The following SERPINB6 variants were observed in gnomAD, a reference collection of about 807,000 sequenced individuals.
SERPINB6 encodes the protein serpin B6.
Under a neutral mutation model 26.1 loss-of-function variants are expected in SERPINB6, and 16 were observed. The observed-to-expected ratio is 0.61, with a 90% confidence interval of 0.42 to 0.93. The LOEUF is 0.93. SERPINB6 is among the 40% of genes least tolerant of loss of function. The pLI, the probability that SERPINB6 is intolerant of heterozygous loss-of-function variation, is 0.00. For synonymous variants in SERPINB6, 174 were observed against 176.6 expected (o/e 0.99, Z 0.11); for missense variants, 420 against 478.0 (o/e 0.88, Z 1.13).
At chr6:2,954,850 C>T in intron 3 of SERPINB6, 141 bp from the exon 4 acceptor site, 4 of 686,172 alleles carry the variant, frequency 5.8e-6, no homozygotes, top group Non-Finnish European at 1.0e-5. Flanking sequence ...AGGACTTAAC[C>T]TAAACTACAA....
In SERPINB6 at chr6:2,949,060, TCTC is replaced by T. The variant is rs1561669499; in HGVS notation, c.580_582del (p.Glu194del). The stretch of plus-strand genomic sequence containing the variant: ...TGCTTAAACATCATTTGCACAGGTT[TCTC>T]CTCATTCTACAAAGAAAACAGATAA... On this transcript the variant is annotated inframe_deletion, in exon 6 of 7. Coordinates refer to ENST00000380539, the MANE Select transcript of SERPINB6 (RefSeq NM_004568.6). 2 of 1,614,126 alleles carry T rather than the reference TCTC, an allele frequency of 1.2e-6. No homozygotes were observed. The highest frequency in any genetic ancestry group is 1.7e-6 in the Non-Finnish European group (2 of 1,180,020).
rs1769401498 is a variant in SERPINB6 at position 2,948,678 on chromosome 6, C to T, written c.751G>A (p.Glu251Lys). The change falls in exon 7 of 7, where the codon GAG becomes AAG. Residue 251 changes from glutamate to lysine, a missense_variant. By Grantham distance (56) the Glu-to-Lys change is moderately conservative. Coordinates refer to ENST00000380539, the MANE Select transcript of SERPINB6 (RefSeq NM_004568.6). This position sits in a 1 kb window ranked among gnomAD's most constrained non-coding sequence, Gnocchi z 5.0. ...LRTVEKELTY[E>K]KFVEWTRLDM... The stretch of plus-strand genomic sequence containing the variant: ...AGCCTCGTCCATTCTACGAACTTCT[C>T]GTAAGTGAGTTCTTTCTCCACCTAG... 5.6e-6 allele frequency: 9 copies of T among 1,614,060 alleles called. 1 individual carries two copies. Among genetic ancestry groups the T allele is most frequent in the Middle Eastern group, 3.3e-4 (2 of 6,084 alleles).
intron 1 of SERPINB6, among the ~76,000 whole-genome samples, chr6:2,964,562 T>C (rs1372590304): frequency 6.6e-6 from 1 of 152,228 alleles, no homozygotes; most frequent in Non-Finnish European, 1.5e-5. Flanking sequence ...TGTGTTTTTC[T>C]GGATTTTCAC....
Position 2,970,106 on chromosome 6 carries a change from T to C in SERPINB6, c.-11+1427A>G, listed in dbSNP as rs74793035. On this transcript the variant is annotated intron_variant, in intron 1 of 6. Coordinates refer to ENST00000380539, the MANE Select transcript of SERPINB6 (RefSeq NM_004568.6). ...TCTTTCTTTGGATGCCTTGGCTTAA[T>C]CCCAAGTGCAGTAAGCCTGGAAATG... The C allele has an allele frequency of 2.6e-3, 2,553 of 984,566 alleles. 46 individuals carry two copies. The African/African-American group carries it at 0.042, about 16-fold the overall frequency. The allele number at this position is 984,566 out of a possible 1,614,324, so 61.0% of individuals were successfully genotyped here. A position where few individuals can be genotyped will look rare whatever the true frequency, so the allele number is the denominator to read the frequency against.
At chr6:2,954,117 CAA>C (rs540686090) in intron 4 of SERPINB6, among the ~76,000 whole-genome samples, 76 of 67,674 alleles carry the variant, frequency 1.1e-3, no homozygotes, top group East Asian at 1.8e-3. Context: ...GACCTTGTCT[CAA>C]AAAAAAAAAA....
chr6:2,952,956 A>G (rs914957013), intron 5 of SERPINB6, 88 bp downstream of exon 5: 3 of 1,580,786 alleles, frequency 1.9e-6, no homozygotes, highest in Non-Finnish European at 8.6e-7. Context: ...AGGGACAGAA[A>G]GGCCCCACGG....
Position 2,949,022 on chromosome 6 carries a change from C to A in SERPINB6, c.621G>T (p.Lys207Asn), listed in dbSNP as rs1472358660. The change falls in exon 6 of 7, where the codon AAG becomes AAT. Residue 207 changes from lysine (K) to asparagine (N), a missense_variant. By Grantham distance (94) the Lys-to-Asn change is moderately conservative (BLOSUM62 0). Transcript: ENST00000380539. ...TAAATATTTCTCCTATATAGGTCTT[C>A]TTAAAAGTAGATTGCTTAAACATCA... ...VQMMFKQSTF[K>N]KTYIGEIFTQ... 6.2e-7 allele frequency: 1 copy of A among 1,614,090 alleles called. No individual in the cohort carries two copies.
At chr6:2,955,206 A>AAC (rs1554102183) in intron 3 of SERPINB6, 69 of 338,822 alleles carry the variant, frequency 2.0e-4, no homozygotes, top group Middle Eastern at 9.5e-4. Context: ...AAAAAAACAA[A>AAC]AAAAAAAAAG....
At chr6:2,959,147 A>C in intron 2 of SERPINB6, 21 bp downstream of exon 2, 1 of 1,614,124 alleles carries the variant, frequency 6.2e-7, no homozygotes, top group Non-Finnish European at 8.5e-7. Flanking sequence ...TAATAGCACC[A>C]TGGCTGCCCT....
chr6:2,948,801 G>A lies in SERPINB6; in HGVS notation c.730-102C>T. 1 of 1,561,086 alleles carries A rather than the reference G, an allele frequency of 6.4e-7. No homozygotes were observed. ...CAGACACCAGTGGCAGCGTGGCTAT[G>A]GTCAGCAGCGCTCCAGTGTTAAACG... On this transcript the variant is annotated intron_variant, in intron 6 of 6. Transcript: ENST00000380539. The surrounding 1 kb of genome is among the most constrained non-coding windows in gnomAD (Gnocchi z 5.0).
intron 1 of SERPINB6, chr6:2,960,896 C>T (rs1209483339): frequency 6.6e-6 from 1 of 152,268 alleles, no homozygotes; most frequent in Non-Finnish European, 1.5e-5. Flanking sequence ...AGGTATCCTT[C>T]TAAGAGGGAG....
chr6:2,949,245 G>C (rs1769499632), intron 5 of SERPINB6, among the ~76,000 whole-genome samples, 176 bp from the exon 6 acceptor site: 1 of 152,162 alleles, frequency 6.6e-6, no homozygotes, highest in Non-Finnish European at 1.5e-5. Context: ...TCCAGAAACT[G>C]GGGTGCCCAG....
intron 1 of SERPINB6, chr6:2,968,342 C>G: frequency 3.5e-6 from 1 of 286,218 alleles, no homozygotes; most frequent in Non-Finnish European, 5.2e-6. Flanking sequence ...GAAAAAATAA[C>G]TATTGGGTAC....
At chr6:2,959,096 C>T (rs998607954) in intron 2 of SERPINB6, 72 bp downstream of exon 2, 18 of 1,591,500 alleles carry the variant, frequency 1.1e-5, no homozygotes, top group Non-Finnish European at 1.5e-5. Flanking sequence ...CGAGCGATCC[C>T]TTTGGGATTT....
intron 1 of SERPINB6, among the ~76,000 whole-genome samples, chr6:2,965,030 C>T (rs1200460968): frequency 1.3e-5 from 2 of 152,068 alleles, no homozygotes; most frequent in African/African-American, 4.8e-5. Flanking sequence ...ATCTAGAGGC[C>T]GAGGGCCCGG....
chr6:2,960,818 G>A (rs980538603), intron 1 of SERPINB6: 4 of 152,286 alleles, frequency 2.6e-5, no homozygotes, highest in Admixed American at 6.5e-5. Context: ...TGTGCAGCAC[G>A]ATTAGATTCA....
chr6:2,960,989 A>G (rs1200655324), intron 1 of SERPINB6: 1 of 152,252 alleles, frequency 6.6e-6, no homozygotes, highest in Non-Finnish European at 1.5e-5. Flanking sequence ...GAAGGGCCTC[A>G]AGCCAAGAAA....
chr6:2,953,037 T>TA lies in SERPINB6; in HGVS notation c.573+6dup. ...AGGCGCTGCTCCTGTCACGGCCCCT[T>TA]ACTCGCCTTGCTGACTTTAAACAGT... On this transcript the variant is annotated splice_region_variant and intron_variant, in intron 5 of 6. Coordinates refer to ENST00000380539, the MANE Select transcript of SERPINB6 (RefSeq NM_004568.6). 6.2e-7 allele frequency: 1 copy of TA among 1,614,198 alleles called. No individual in the cohort carries two copies. The highest frequency in any genetic ancestry group is 8.5e-7 in the Non-Finnish European group (1 of 1,180,032).
chr6:2,968,930 T>G, intron 1 of SERPINB6: 1 of 1,224,904 alleles, frequency 8.2e-7, no homozygotes, highest in Non-Finnish European at 1.0e-6. Context: ...GGAGATGGGG[T>G]GGAAGCAGAT....
Sources: allele counts gnomAD v4.1 joint callset (sites outside exome capture counted in the v4.1 genomes callset), GRCh38; gene constraint gnomAD v4.1.1; non-coding constraint Gnocchi (gnomAD v3.1); transcripts MANE v1.5; gene names NCBI Gene and HGNC (gene_info 2026-07-23, HGNC 2026-07-21).